The following KCNQ5 variants were observed in gnomAD, a reference collection of about 807,000 sequenced individuals.
KCNQ5 encodes the protein potassium voltage-gated channel subfamily KQT member 5.
A neutral mutation model predicts 98.2 loss-of-function variants in KCNQ5; 30 were observed. The ratio of observed to expected loss-of-function variants is 0.31; its 90% CI spans 0.23 to 0.41. The LOEUF is 0.41. Among genes scored for constraint, KCNQ5 ranks in the 10% least tolerant of loss-of-function variants. KCNQ5 has a pLI of 1.00. For synonymous variants in KCNQ5, 458 were observed against 449.4 expected (o/e 1.02, Z -0.24); for missense variants, 835 against 1,182.5 (o/e 0.71, Z 4.31).
intron 1 of KCNQ5, among the ~76,000 whole-genome samples, chr6:72,960,192 T>C (rs1003456547): frequency 6.6e-5 from 10 of 152,174 alleles, no homozygotes; most frequent in African/African-American, 2.4e-4. Flanking sequence ...AATGATCCCA[T>C]GGCCATTCCA....
intron 1 of KCNQ5, among the ~76,000 whole-genome samples, chr6:72,955,843 C>T (rs1029445921): frequency 3.3e-5 from 5 of 151,978 alleles, no homozygotes; most frequent in African/African-American, 1.2e-4. Context: ...ATGCTCGAGC[C>T]CGGGAGGAGG....
chr6:72,653,066 T>C (rs907024768), intron 1 of KCNQ5, among the ~76,000 whole-genome samples: 1 of 152,082 alleles, frequency 6.6e-6, no homozygotes, highest in African/African-American at 2.4e-5. Context: ...TTGCTTACTA[T>C]AGTTTGTTTA....
intron 9 of KCNQ5, among the ~76,000 whole-genome samples, chr6:73,128,742 AC>A (rs1489465707): frequency 1.3e-5 from 2 of 152,330 alleles, no homozygotes; most frequent in East Asian, 1.9e-4. Context: ...CTTTGCTAGA[AC>A]CCTTTCAGAT....
intron 4 of KCNQ5, 132 bp from the exon 5 acceptor site, chr6:73,077,630 G>A (rs763727185): frequency 1.0e-5 from 13 of 1,258,102 alleles, no homozygotes; most frequent in Non-Finnish European, 1.3e-5. Flanking sequence ...GGGACATGAT[G>A]TACAATGGAT....
At chr6:73,070,894 A>G (rs953994774) in intron 3 of KCNQ5, among the ~76,000 whole-genome samples, 1 of 152,220 alleles carries the variant, frequency 6.6e-6, no homozygotes, top group South Asian at 2.1e-4. Flanking sequence ...TACCTTTACC[A>G]CAAAGACTAT....
intron 1 of KCNQ5, among the ~76,000 whole-genome samples, chr6:72,765,458 AG>A (rs1444165839): frequency 6.6e-6 from 1 of 152,078 alleles, no homozygotes; most frequent in Admixed American, 6.6e-5. Context: ...TGGTCAGGAA[AG>A]TCCATGGTGA....
chr6:72,979,159 G>A (rs1768306004), intron 1 of KCNQ5, among the ~76,000 whole-genome samples: 1 of 152,186 alleles, frequency 6.6e-6, no homozygotes, highest in African/African-American at 2.4e-5. Context: ...TATCTTTATA[G>A]TAGCATGATT....
At chr6:72,853,719 A>T (rs1023453689) in intron 1 of KCNQ5, among the ~76,000 whole-genome samples, 4 of 152,218 alleles carry the variant, frequency 2.6e-5, no homozygotes, top group African/African-American at 9.6e-5. Flanking sequence ...CTTAACAGGC[A>T]CTGAAGGGAA....
intron 5 of KCNQ5, among the ~76,000 whole-genome samples, chr6:73,078,436 T>C (rs1773626769): frequency 6.6e-6 from 1 of 152,122 alleles, no homozygotes; most frequent in Non-Finnish European, 1.5e-5. Context: ...TCCAAATAAA[T>C]AAAGTAAAAT....
chr6:72,935,369 C>G (rs915363765), intron 1 of KCNQ5, among the ~76,000 whole-genome samples: 2 of 152,156 alleles, frequency 1.3e-5, no homozygotes, highest in African/African-American at 4.8e-5. Context: ...CCTCAACCAA[C>G]CAGCGTTGTC....
chr6:73,013,768 T>C (rs1241198592), intron 2 of KCNQ5, among the ~76,000 whole-genome samples: 2 of 152,090 alleles, frequency 1.3e-5, no homozygotes, highest in African/African-American at 4.8e-5. Context: ...TCTACCAAAA[T>C]GCATTTGCCA....
intron 8 of KCNQ5, 46 bp from the exon 9 acceptor site, chr6:73,124,431 ATAAATATAT>A: frequency 1.3e-6 from 2 of 1,575,236 alleles, no homozygotes; most frequent in Non-Finnish European, 1.7e-6. Context: ...ATCAAGTGCT[ATAAATATAT>A]TCACTGGTTT....
chr6:72,728,935 G>C (rs569389725), intron 1 of KCNQ5, among the ~76,000 whole-genome samples: 1 of 152,086 alleles, frequency 6.6e-6, no homozygotes, highest in African/African-American at 2.4e-5. Context: ...GCATCAAAAA[G>C]TATGCAAATG....
At chr6:73,080,967 A>T (rs1773739946) in intron 5 of KCNQ5, among the ~76,000 whole-genome samples, 1 of 152,226 alleles carries the variant, frequency 6.6e-6, no homozygotes, top group Non-Finnish European at 1.5e-5. Flanking sequence ...GTGAATAGCA[A>T]TACCTAGTTC....
At chr6:72,806,877 T>C (rs1160749995) in intron 1 of KCNQ5, 1 of 443,038 alleles carries the variant, frequency 2.3e-6, no homozygotes, top group Non-Finnish European at 4.5e-6. Flanking sequence ...TTCTCCCATA[T>C]GAGAATAAGA....
At chr6:73,129,788 C>G in intron 9 of KCNQ5, 2 of 1,611,528 alleles carry the variant, frequency 1.2e-6, no homozygotes, top group Non-Finnish European at 1.7e-6. Context: ...TTCCCTCACT[C>G]CTAGTAAGTT....
chr6:73,079,308 AC>A, intron 5 of KCNQ5, among the ~76,000 whole-genome samples: 1 of 152,284 alleles, frequency 6.6e-6, no homozygotes, highest in East Asian at 1.9e-4. Context: ...CTTTTAAACC[AC>A]CCTTAGTATT....
chr6:72,855,229 A>AATT (rs1352931095), intron 1 of KCNQ5, among the ~76,000 whole-genome samples: 1 of 152,128 alleles, frequency 6.6e-6, no homozygotes, highest in Non-Finnish European at 1.5e-5. Flanking sequence ...AAACACGATA[A>AATT]ATTAAAACTA....
chr6:72,791,151 A>G (rs1774018986), intron 1 of KCNQ5, among the ~76,000 whole-genome samples: 1 of 152,230 alleles, frequency 6.6e-6, no homozygotes, highest in Non-Finnish European at 1.5e-5. Context: ...ATTTGAGGTA[A>G]GATCTGAAAG....
Sources: gnomAD v4.1 joint callset for allele counts (sites outside exome capture counted in the v4.1 genomes callset) on GRCh38, gnomAD v4.1.1 for gene constraint, MANE v1.5 for transcripts, NCBI Gene and HGNC (gene_info 2026-07-23, HGNC 2026-07-21) for gene names.